The following TAFA5 variants were observed in gnomAD, a reference collection of about 807,000 sequenced individuals.
TAFA5 encodes the protein TAFA chemokine like family member 5, also known as chemokine-like protein TAFA-5.
In TAFA5, 6 loss-of-function variants were observed where a neutral mutation model predicts 15.3. The ratio of observed to expected loss-of-function variants is 0.39; its 90% CI spans 0.21 to 0.77. The LOEUF is 0.77. Among genes scored for constraint, TAFA5 ranks in the 30% least tolerant of loss-of-function variants. The pLI, the probability that TAFA5 is intolerant of heterozygous loss-of-function variation, is 0.41. For missense variants in TAFA5, 161 were observed against 193.1 expected (o/e 0.83, Z 0.98); for synonymous variants, 103 against 80.7 (o/e 1.28, Z -1.48).
chr22:48,597,313 G>A (rs141283187), intron 1 of TAFA5, among the ~76,000 whole-genome samples: 1,498 of 148,072 alleles, frequency 0.01, 15 homozygotes, highest in Middle Eastern at 0.026. Context: ...CCTCTCTACC[G>A]GCTGGCTCAT....
At chr22:48,743,830 A>G (rs1035803780) in intron 3 of TAFA5, among the ~76,000 whole-genome samples, 1 of 152,200 alleles carries the variant, frequency 6.6e-6, no homozygotes, top group African/African-American at 2.4e-5. Flanking sequence ...AGATGGATAA[A>G]TGTTTGACAG....
At chr22:48,512,943 A>AG (rs1409906713) in intron 1 of TAFA5, among the ~76,000 whole-genome samples, 7 of 116,174 alleles carry the variant, frequency 6.0e-5, no homozygotes, top group East Asian at 2.4e-4. Flanking sequence ...AAAAAAAAAA[A>AG]AGAGAGAGAG....
At chr22:48,739,586 A>C (rs1930123098) in intron 3 of TAFA5, among the ~76,000 whole-genome samples, 2 of 152,168 alleles carry the variant, frequency 1.3e-5, no homozygotes, top group Non-Finnish European at 2.9e-5. Context: ...AGTGGCCGGC[A>C]CTGTAATTGC....
At chr22:48,743,776 A>C (rs1439506932) in intron 3 of TAFA5, among the ~76,000 whole-genome samples, 1 of 152,218 alleles carries the variant, frequency 6.6e-6, no homozygotes, top group Non-Finnish European at 1.5e-5. Flanking sequence ...CCCTGCCTGC[A>C]TTCGTCTTTG....
At chr22:48,683,070 C>T (rs1458892183) in intron 2 of TAFA5, among the ~76,000 whole-genome samples, 4 of 150,244 alleles carry the variant, frequency 2.7e-5, no homozygotes, top group African/African-American at 1.0e-4. Flanking sequence ...TCCACACTTA[C>T]CTTCCGTTGA....
chr22:48,564,482 C>T (rs1277782644), intron 1 of TAFA5, among the ~76,000 whole-genome samples: 2 of 152,230 alleles, frequency 1.3e-5, no homozygotes, highest in African/African-American at 4.8e-5. Flanking sequence ...GGACAGTGGG[C>T]TGGAATTCTG....
At chr22:48,520,068 C>T (rs1048521532) in intron 1 of TAFA5, among the ~76,000 whole-genome samples, 1 of 152,240 alleles carries the variant, frequency 6.6e-6, no homozygotes, top group Non-Finnish European at 1.5e-5. Context: ...GGAAGACGCC[C>T]TGTGGAAACG....
chr22:48,627,331 G>A (rs1926058420), intron 1 of TAFA5, among the ~76,000 whole-genome samples: 2 of 152,256 alleles, frequency 1.3e-5, no homozygotes, highest in African/African-American at 2.4e-5. Context: ...CCCGGAGCCA[G>A]CACGTGCCCG....
intron 2 of TAFA5, among the ~76,000 whole-genome samples, chr22:48,654,986 G>T (rs5771678): frequency 1.3e-5 from 2 of 152,112 alleles, no homozygotes. Flanking sequence ...GTCAGGCAGC[G>T]TGTGGTGGAT....
chr22:48,666,848 C>T (rs563601000), intron 2 of TAFA5, among the ~76,000 whole-genome samples: 11 of 152,262 alleles, frequency 7.2e-5, no homozygotes, highest in Admixed American at 5.9e-4. Flanking sequence ...GCATTCCATC[C>T]GGAGCCCAGG....
intron 3 of TAFA5, among the ~76,000 whole-genome samples, chr22:48,722,474 G>A (rs562658802): frequency 1.9e-4 from 29 of 152,074 alleles, no homozygotes; most frequent in African/African-American, 4.8e-4. Flanking sequence ...ACCAAACACC[G>A]CGTGTTCTCA....
intron 1 of TAFA5, among the ~76,000 whole-genome samples, chr22:48,575,991 C>G (rs1923768305): frequency 9.2e-6 from 1 of 108,160 alleles, no homozygotes; most frequent in Non-Finnish European, 1.8e-5. Context: ...CGCCGAGCAG[C>G]GGGCGGTGGG....
chr22:48,581,906 A>C (rs905473053), intron 1 of TAFA5, among the ~76,000 whole-genome samples: 1 of 152,170 alleles, frequency 6.6e-6, no homozygotes, highest in African/African-American at 2.4e-5. Context: ...ACGCAGAGAC[A>C]CATAGTTTTG....
intron 2 of TAFA5, among the ~76,000 whole-genome samples, chr22:48,656,127 C>G (rs1212914810): frequency 1.3e-5 from 2 of 151,888 alleles, no homozygotes; most frequent in Non-Finnish European, 2.9e-5. Flanking sequence ...CAGGTGTGAG[C>G]CACCACGCCC....
chr22:48,520,410 G>A (rs1414690752), intron 1 of TAFA5, among the ~76,000 whole-genome samples: 1 of 152,226 alleles, frequency 6.6e-6, no homozygotes, highest in African/African-American at 2.4e-5. Context: ...TCACCCCGAA[G>A]GCCTGGGGCC....
intron 2 of TAFA5, among the ~76,000 whole-genome samples, chr22:48,685,107 C>G (rs905618452): frequency 5.3e-5 from 8 of 152,180 alleles, no homozygotes. Flanking sequence ...GGGAGATCTC[C>G]AAGGTGGGGG....
intron 1 of TAFA5, among the ~76,000 whole-genome samples, chr22:48,496,322 G>A (rs531253437): frequency 5.7e-5 from 8 of 139,330 alleles, no homozygotes; most frequent in Admixed American, 1.4e-4. Flanking sequence ...GCAGTGAGCT[G>A]TTGGGCTGTG....
chr22:48,719,992 G>A (rs1211137311), intron 3 of TAFA5, among the ~76,000 whole-genome samples: 3 of 152,162 alleles, frequency 2.0e-5, no homozygotes, highest in Admixed American at 1.3e-4. Flanking sequence ...GACGTGACAC[G>A]CTGGGCGCCA....
intron 2 of TAFA5, among the ~76,000 whole-genome samples, chr22:48,704,309 C>T (rs1354316055): frequency 1.3e-5 from 2 of 152,140 alleles, no homozygotes; most frequent in African/African-American, 4.8e-5. Context: ...CATCCTGTAG[C>T]TTCCTCGTGG....
Sources: allele counts gnomAD v4.1 joint callset (sites outside exome capture counted in the v4.1 genomes callset), GRCh38; gene constraint gnomAD v4.1.1; transcripts MANE v1.5; gene names NCBI Gene and HGNC (gene_info 2026-07-23, HGNC 2026-07-21).